The following APBA1 variants were observed in gnomAD, a reference collection of about 807,000 sequenced individuals.
APBA1 encodes the protein amyloid-beta A4 precursor protein-binding family A member 1.
APBA1 carries 55 observed loss-of-function variants against 86.6 expected under a neutral mutation model. That is an observed-to-expected ratio of 0.64 (90% CI 0.51 to 0.80). The LOEUF (loss-of-function observed/expected upper bound fraction) is 0.80, where lower values mean the gene tolerates loss of function less well. APBA1 is among the 30% of genes least tolerant of loss of function. The pLI, the probability that APBA1 is intolerant of heterozygous loss-of-function variation, is 0.00. For synonymous variants in APBA1, 511 were observed against 493.9 expected (o/e 1.03, Z -0.46); for missense variants, 1,090 against 1,183.0 (o/e 0.92, Z 1.15).
intron 2 of APBA1, among the ~76,000 whole-genome samples, chr9:69,504,623 C>T (rs1835925555): frequency 6.6e-6 from 1 of 152,016 alleles, no homozygotes; most frequent in African/African-American, 2.4e-5. Flanking sequence ...TTCTCTTGGG[C>T]CTGTTACCTC....
At chr9:69,613,907 T>C (rs888666859) in intron 1 of APBA1, among the ~76,000 whole-genome samples, 6 of 152,234 alleles carry the variant, frequency 3.9e-5, no homozygotes, top group Admixed American at 3.9e-4. Context: ...CCAGGTTATT[T>C]AAACTGTCTT....
intron 1 of APBA1, among the ~76,000 whole-genome samples, chr9:69,639,446 GA>G (rs574093584): frequency 1.8e-4 from 28 of 152,218 alleles, no homozygotes; most frequent in Non-Finnish European, 4.1e-4. Context: ...GTCAAAAGTA[GA>G]AAATATAAAG....
chr9:69,632,734 T>A (rs193067248), intron 1 of APBA1, among the ~76,000 whole-genome samples: 1 of 152,184 alleles, frequency 6.6e-6, no homozygotes, highest in East Asian at 1.9e-4. Context: ...TTCATACTTA[T>A]CATTTTGCTG....
chr9:69,474,878 T>C (rs1047016009), intron 3 of APBA1, among the ~76,000 whole-genome samples: 1 of 152,218 alleles, frequency 6.6e-6, no homozygotes, highest in Non-Finnish European at 1.5e-5. Flanking sequence ...GATCTGCCAC[T>C]CAGTTTAAAC....
intron 11 of APBA1, among the ~76,000 whole-genome samples, chr9:69,437,553 GTTTA>G (rs1250289849): frequency 1.3e-5 from 1 of 76,738 alleles, no homozygotes; most frequent in Non-Finnish European, 2.6e-5. Context: ...AGATTTTCTA[GTTTA>G]TTTGAGTAGA....
At chr9:69,447,308 C>T (rs972019992) in intron 10 of APBA1, among the ~76,000 whole-genome samples, 4 of 152,174 alleles carry the variant, frequency 2.6e-5, no homozygotes, top group Non-Finnish European at 4.4e-5. Context: ...CCCTTCTAGA[C>T]TCAGACCAAC....
chr9:69,482,529 T>C (rs1588310573), intron 2 of APBA1, among the ~76,000 whole-genome samples: 1 of 150,994 alleles, frequency 6.6e-6, no homozygotes, highest in Non-Finnish European at 1.5e-5. Flanking sequence ...TTGGTGGGAC[T>C]GTAAACTAGT....
At chr9:69,484,187 T>C (rs1009977515) in intron 2 of APBA1, among the ~76,000 whole-genome samples, 1 of 152,164 alleles carries the variant, frequency 6.6e-6, no homozygotes, top group Non-Finnish European at 1.5e-5. Flanking sequence ...ACATTTCCTA[T>C]TTCTCAATTG....
At position 69,536,637 on chromosome 9, in the gene APBA1, C is replaced by A. The variant is rs892794684; in HGVS notation, c.-69-19358G>T. ...ATCCCAGCACTTTGGGAGGCTGAGGCGGGCAGATTGATGGAGGTCAGGAGT... is the reference window on the plus strand; with the variant it reads ...ATCCCAGCACTTTGGGAGGCTGAGGAGGGCAGATTGATGGAGGTCAGGAGT... On this transcript the variant is annotated intron_variant, in intron 1 of 12. Transcript: ENST00000265381. Among the ~76,000 whole-genome samples, 30 of 137,558 alleles carry A rather than the reference C, an allele frequency of 2.2e-4. 1 individual carries two copies. The highest frequency in any genetic ancestry group is 1.8e-3 in the Admixed American group (22 of 12,132). 90.2% of individuals were successfully genotyped at this position (137,558 alleles called of 152,430 possible).
At chr9:69,543,858 G>A (rs1836657286) in intron 1 of APBA1, among the ~76,000 whole-genome samples, 1 of 152,150 alleles carries the variant, frequency 6.6e-6, no homozygotes, top group Admixed American at 6.5e-5. Context: ...AACCTAATGG[G>A]TTAATTGGAT....
chr9:69,611,912 G>C (rs1283413888), intron 1 of APBA1, among the ~76,000 whole-genome samples: 1 of 152,096 alleles, frequency 6.6e-6, no homozygotes, highest in African/African-American at 2.4e-5. Flanking sequence ...CATTAGTTAA[G>C]TAAATAATTA....
intron 2 of APBA1, among the ~76,000 whole-genome samples, chr9:69,491,456 G>C (rs1184211234): frequency 6.6e-6 from 1 of 151,966 alleles, no homozygotes; most frequent in African/African-American, 2.4e-5. Flanking sequence ...GGCCTGTCAT[G>C]GGGTGGGGGG....
intron 2 of APBA1, among the ~76,000 whole-genome samples, chr9:69,496,038 T>A (rs1835789243): frequency 6.6e-6 from 1 of 151,884 alleles, no homozygotes; most frequent in Admixed American, 6.6e-5. Context: ...CAACAGATAA[T>A]CCTACATTGG....
At chr9:69,656,588 G>T (rs1351094434) in intron 1 of APBA1, among the ~76,000 whole-genome samples, 2 of 152,180 alleles carry the variant, frequency 1.3e-5, no homozygotes, top group Non-Finnish European at 2.9e-5. Flanking sequence ...GACTGAGAAG[G>T]CATATGAGGG....
intron 11 of APBA1, among the ~76,000 whole-genome samples, chr9:69,435,976 C>T (rs1834709940): frequency 6.6e-6 from 1 of 152,112 alleles, no homozygotes; most frequent in Admixed American, 6.6e-5. Flanking sequence ...GGAAGGGACC[C>T]AATTTCAGCT....
chr9:69,477,343 T>A (rs1467265980), intron 2 of APBA1, among the ~76,000 whole-genome samples: 1 of 151,650 alleles, frequency 6.6e-6, no homozygotes, highest in Non-Finnish European at 1.5e-5. Context: ...CCTTTCTGAG[T>A]CAAAGAAAGG....
intron 1 of APBA1, among the ~76,000 whole-genome samples, chr9:69,603,618 G>A (rs1470037434): frequency 6.6e-6 from 1 of 152,226 alleles, no homozygotes; most frequent in African/African-American, 2.4e-5. Flanking sequence ...TAGGTCTACA[G>A]CTAAAAGTAA....
At chr9:69,460,657 T>TC in intron 5 of APBA1, 1 of 128,666 alleles carries the variant, frequency 7.8e-6, no homozygotes, top group East Asian at 2.0e-4. Flanking sequence ...ACCCAAATTC[T>TC]TTTTTTTTTT....
intron 1 of APBA1, among the ~76,000 whole-genome samples, chr9:69,596,914 T>C (rs1334807482): frequency 6.6e-6 from 1 of 152,236 alleles, no homozygotes; most frequent in Non-Finnish European, 1.5e-5. Flanking sequence ...AAGTGACAGC[T>C]GAAATGGTAG....
Sources: gnomAD v4.1 joint callset for allele counts (sites outside exome capture counted in the v4.1 genomes callset) on GRCh38, gnomAD v4.1.1 for gene constraint, MANE v1.5 for transcripts, NCBI Gene and HGNC (gene_info 2026-07-23, HGNC 2026-07-21) for gene names.